SMG1: variants seen among roughly 807,000 people sequenced by gnomAD.
SMG1 encodes the protein serine/threonine-protein kinase SMG1.
A neutral mutation model predicts 419.9 loss-of-function variants in SMG1; 22 were observed. The ratio of observed to expected loss-of-function variants is 0.05; its 90% CI spans 0.04 to 0.07. The LOEUF (loss-of-function observed/expected upper bound fraction) is 0.07, where lower values mean the gene tolerates loss of function less well. Among genes scored for constraint, SMG1 ranks in the 10% least tolerant of loss-of-function variants. The pLI is 1.00. For missense variants in SMG1, 3,185 were observed against 4,342.0 expected (o/e 0.73, Z 7.49); for synonymous variants, 1,538 against 1,553.5 (o/e 0.99, Z 0.23).
chr16:18,879,209 G>A, intron 11 of SMG1: 2 of 418,846 alleles, frequency 4.8e-6, no homozygotes, highest in Non-Finnish European at 9.0e-6. Context: ...TCAAGTTCCT[G>A]GGCTTAATCG....
At chr16:18,832,284 A>G (rs540122217) in intron 51 of SMG1, among the ~76,000 whole-genome samples, 2 of 152,240 alleles carry the variant, frequency 1.3e-5, no homozygotes, top group Non-Finnish European at 2.9e-5. Context: ...AGTACAATGC[A>G]TGTCTGCAGG....
intron 1 of SMG1, among the ~76,000 whole-genome samples, chr16:18,902,238 G>A (rs2037376918): frequency 6.6e-6 from 1 of 152,140 alleles, no homozygotes; most frequent in Non-Finnish European, 1.5e-5. Context: ...CAACTCTACA[G>A]GGACAGGACA....
At position 18,881,768 on chromosome 16, in the gene SMG1, T is replaced by C. The variant is rs115865839; in HGVS notation, c.1293+397A>G. On this transcript the variant is annotated intron_variant, in intron 10 of 62. Transcript: ENST00000446231. ...ATATAAAGGTATACAAGTTTTCATATGAGTTCCATCTTATGTTCAGAGAAG... is the reference window on the plus strand; with the variant it reads ...ATATAAAGGTATACAAGTTTTCATACGAGTTCCATCTTATGTTCAGAGAAG... Among the ~76,000 whole-genome samples the C allele has an allele frequency of 4.0e-3, 613 of 152,324 alleles. 3 individuals carry two copies. Among genetic ancestry groups the C allele is most frequent in the African/African-American group, 0.014 (575 of 41,584 alleles).
intron 30 of SMG1, among the ~76,000 whole-genome samples, chr16:18,854,249 C>G (rs1371652845): frequency 1.3e-5 from 2 of 151,738 alleles, no homozygotes; most frequent in African/African-American, 4.8e-5. Flanking sequence ...ACCACACCCC[C>G]CTAATTTCTT....
chr16:18,833,237 A>G, intron 50 of SMG1, 71 bp from the exon 51 acceptor site: 2 of 1,207,954 alleles, frequency 1.7e-6, no homozygotes, highest in Non-Finnish European at 2.3e-6. Context: ...GGAGACTTAG[A>G]GCCATACATT....
At chr16:18,858,894 T>C (rs1272440376) in intron 28 of SMG1, 128 bp downstream of exon 28, 14 of 701,168 alleles carry the variant, frequency 2.0e-5, no homozygotes, top group Middle Eastern at 8.1e-4. Context: ...AAACAGCATG[T>C]TAGATTTCTG....
chr16:18,926,375 G>T lies in SMG1; in HGVS notation c.-334C>A. ...AGGACGAGGACGACGAGGAGCAGGC[G>T]GTGGCGGCAGCTCCTCACGCTCACA... On this transcript the variant is annotated 5_prime_UTR_variant, in exon 1 of 63. Coordinates refer to ENST00000446231, the MANE Select transcript of SMG1 (RefSeq NM_015092.5). 1 of 298,644 alleles carries T rather than the reference G, an allele frequency of 3.3e-6. No homozygotes were observed. The highest frequency in any genetic ancestry group is 6.2e-6 in the Non-Finnish European group (1 of 161,214). The allele number at this position is 298,644 out of a possible 1,614,324, so 18.5% of individuals were successfully genotyped here.
chr16:18,900,481 G>A (rs2037304202), intron 1 of SMG1, among the ~76,000 whole-genome samples: 1 of 152,050 alleles, frequency 6.6e-6, no homozygotes, highest in Admixed American at 6.6e-5. Context: ...GTAAGTATTA[G>A]AGAGAAAAAG....
chr16:18,877,852 T>TG (rs554973591), intron 11 of SMG1: 5 of 152,192 alleles, frequency 3.3e-5, no homozygotes, highest in Admixed American at 6.5e-5. Context: ...ATCATGGGCA[T>TG]TTTTTCACAT....
chr16:18,845,052 T>C (rs1330791076), intron 39 of SMG1, among the ~76,000 whole-genome samples: 1 of 152,228 alleles, frequency 6.6e-6, no homozygotes, highest in Non-Finnish European at 1.5e-5. Context: ...CTGAATGCTC[T>C]CCTTGTGAAA....
intron 61 of SMG1, 35 bp downstream of exon 61, chr16:18,811,913 T>G: frequency 6.2e-7 from 1 of 1,612,722 alleles, no homozygotes; most frequent in Non-Finnish European, 8.5e-7. Flanking sequence ...TCATTTTATA[T>G]AAAAATTTAA....
chr16:18,860,926 T>G (rs1200007966), intron 25 of SMG1, 150 bp from the exon 26 acceptor site: 5 of 511,100 alleles, frequency 9.8e-6, no homozygotes, highest in African/African-American at 4.0e-5. Flanking sequence ...GCCATTATTT[T>G]GGTTTTTATG....
intron 40 of SMG1, 102 bp from the exon 41 acceptor site, chr16:18,841,896 TC>T: frequency 1.0e-6 from 1 of 959,106 alleles, no homozygotes; most frequent in Non-Finnish European, 1.7e-6. Context: ...AAACTGACAG[TC>T]CATGAGGCAC....
At chr16:18,892,859 C>T (rs2036944473) in intron 3 of SMG1, among the ~76,000 whole-genome samples, 1 of 152,148 alleles carries the variant, frequency 6.6e-6, no homozygotes, top group Non-Finnish European at 1.5e-5. Flanking sequence ...AATAACAGAC[C>T]CTCAAAAAAA....
At chr16:18,852,825 G>A (rs1250725888) in intron 31 of SMG1, among the ~76,000 whole-genome samples, 2 of 152,080 alleles carry the variant, frequency 1.3e-5, no homozygotes, top group African/African-American at 4.8e-5. Context: ...TAATCATTCT[G>A]GCAAAAATAA....
intron 13 of SMG1, among the ~76,000 whole-genome samples, chr16:18,873,611 TAAC>T (rs1201132446): frequency 6.6e-6 from 1 of 152,184 alleles, no homozygotes; most frequent in Non-Finnish European, 1.5e-5. Flanking sequence ...ACATTTAAAA[TAAC>T]AAACAAAAAA....
intron 33 of SMG1, among the ~76,000 whole-genome samples, chr16:18,850,677 T>TA (rs1288945178): frequency 2.6e-5 from 4 of 152,238 alleles, no homozygotes; most frequent in African/African-American, 9.6e-5. Flanking sequence ...TATAAGCATT[T>TA]AGCAAAGACT....
rs1257170696 is a variant in SMG1 at position 18,834,409 on chromosome 16, G to A, written c.8360C>T (p.Ser2787Leu). Reference protein sequence around the residue: ...RRNLMMEGAASSAGEQLVDLT... With the variant: ...RRNLMMEGAALSAGEQLVDLT... ...ATCAACCAGCTGTTCTCCAGCACTTGACGCTGCACCTTCCATCATCAGGTT... is the reference window on the plus strand; with the variant it reads ...ATCAACCAGCTGTTCTCCAGCACTTAACGCTGCACCTTCCATCATCAGGTT... The change falls in exon 50 of 63, where the codon TCA becomes TTA. Residue 2787 changes from serine (S) to leucine (L), a missense_variant. This residue lies in a region of SMG1 where 412 missense variants were observed against 546.6 expected (regional missense o/e 0.75). Coordinates refer to ENST00000446231, the MANE Select transcript of SMG1 (RefSeq NM_015092.5). The A allele has an allele frequency of 6.2e-7, 1 of 1,613,758 alleles. No individual in the cohort carries two copies. The highest frequency in any genetic ancestry group is 1.7e-5 in the Admixed American group (1 of 59,986).
rs2030716610 is a variant in SMG1, at chr16:18,805,244, T to C, written c.*4325A>G. 1 of 152,184 alleles carries C rather than the reference T, an allele frequency of 6.6e-6. No individual in the cohort carries two copies. The highest frequency in any genetic ancestry group is 2.1e-4 in the South Asian group (1 of 4,832). 9.4% of individuals were successfully genotyped at this position (152,184 alleles called of 1,614,324 possible). A position where few individuals can be genotyped will look rare whatever the true frequency, so the allele number is the denominator to read the frequency against. Reference sequence around the variant, plus strand: ...AACCAGAAAAATGACACAATAACTTTAAAGAGGAGCTGAAACTTTGTCAAA... The same window carrying C: ...AACCAGAAAAATGACACAATAACTTCAAAGAGGAGCTGAAACTTTGTCAAA... On this transcript the variant is annotated 3_prime_UTR_variant, in exon 63 of 63. Coordinates refer to ENST00000446231, the MANE Select transcript of SMG1 (RefSeq NM_015092.5).
Sources: allele counts gnomAD v4.1 joint callset (sites outside exome capture counted in the v4.1 genomes callset), GRCh38; gene constraint gnomAD v4.1.1; regional missense constraint gnomAD v4.1.1; transcripts MANE v1.5; gene names NCBI Gene and HGNC (gene_info 2026-07-23, HGNC 2026-07-21).